Variants in CACNB2 observed in about 807,000 individuals in gnomAD.
The protein encoded by CACNB2 is voltage-dependent L-type calcium channel subunit beta-2.
Under a neutral mutation model 73.3 loss-of-function variants are expected in CACNB2, and 42 were observed. The ratio of observed to expected loss-of-function variants is 0.57; its 90% CI spans 0.45 to 0.74. The LOEUF (loss-of-function observed/expected upper bound fraction) is 0.74. Among genes scored for constraint, CACNB2 ranks in the 30% least tolerant of loss-of-function variants. The pLI is 0.00. For missense variants in CACNB2, 940 were observed against 853.0 expected, an observed-to-expected ratio of 1.10 and a Z score of -1.27; for synonymous variants, 348 against 310.3, an observed-to-expected ratio of 1.12 and a Z score of -1.28.
chr10:18,177,494 G>C (rs2131189410), intron 2 of CACNB2, among the ~76,000 whole-genome samples: 1 of 151,378 alleles, frequency 6.6e-6, no homozygotes, highest in African/African-American at 2.4e-5. Flanking sequence ...AGCTGGGTGT[G>C]GTGGCAGGCA....
intron 2 of CACNB2, among the ~76,000 whole-genome samples, chr10:18,334,258 GA>G (rs1326046133): frequency 6.6e-6 from 1 of 152,138 alleles, no homozygotes; most frequent in Non-Finnish European, 1.5e-5. Context: ...TGGGACTGCA[GA>G]AACCTCAGGT....
Position 18,407,109 on chromosome 10 carries a change from C to CTTTTTTTTTTTTTTTTTT in CACNB2, c.333+5080_333+5097dup, listed in dbSNP as rs71507267. On this transcript the variant is annotated intron_variant, in intron 3 of 13. Transcript: ENST00000324631. ...CTAAAGTCCAGACCTGCTGTTCTGTCTTTTTTTTTTTTTTTTTTTTTTTTT... is the reference window on the plus strand; with the variant it reads ...CTAAAGTCCAGACCTGCTGTTCTGTCTTTTTTTTTTTTTTTTTTTTTTTTTTTTTTTTTTTTTTTTTTT... 2.8e-3 allele frequency among the ~76,000 whole-genome samples: 99 copies of CTTTTTTTTTTTTTTTTTT among 35,614 alleles called. 35 individuals carry two copies. The highest frequency in any genetic ancestry group is 4.0e-3 in the Non-Finnish European group (78 of 19,386). 23.4% of individuals were successfully genotyped at this position (35,614 alleles called of 152,430 possible). A position where few individuals can be genotyped will look rare whatever the true frequency, so the allele number is the denominator to read the frequency against.
chr10:18,344,292 A>G (rs965016746), intron 2 of CACNB2, among the ~76,000 whole-genome samples: 1 of 152,074 alleles, frequency 6.6e-6, no homozygotes, highest in Non-Finnish European at 1.5e-5. Flanking sequence ...GCCCCATAAA[A>G]CGATCAGTTT....
chr10:18,278,514 CAG>C (rs1169850797), intron 2 of CACNB2, among the ~76,000 whole-genome samples: 1 of 151,700 alleles, frequency 6.6e-6, no homozygotes, highest in Non-Finnish European at 1.5e-5. Context: ...GTCGCAGTGA[CAG>C]GGGCTATTGA....
intron 3 of CACNB2, among the ~76,000 whole-genome samples, chr10:18,476,790 A>G (rs528585034): frequency 2.0e-5 from 3 of 152,136 alleles, no homozygotes; most frequent in Middle Eastern, 3.2e-3. Flanking sequence ...AGGCAGCCCA[A>G]TCACTTGAGG....
At position 18,540,541 on chromosome 10, in the gene CACNB2, A is replaced by ATGTT. The variant is rs921255976; in HGVS notation, c.*818_*821dup. 2.2e-4 allele frequency: 33 copies of ATGTT among 152,568 alleles called. No individual in the cohort carries two copies. The highest frequency in any genetic ancestry group is 6.5e-4 in the African/African-American group (27 of 41,424). The allele number at this position is 152,568 out of a possible 1,614,324, so 9.5% of individuals were successfully genotyped here. A position where few individuals can be genotyped will look rare whatever the true frequency, so the allele number is the denominator to read the frequency against. ...TGACTTGAAAAGGTTTGAATTCTGAATGTTATACCATCCTTGTAAGTAAGT... is the reference window on the plus strand; with the variant it reads ...TGACTTGAAAAGGTTTGAATTCTGAATGTTTGTTATACCATCCTTGTAAGTAAGT... On this transcript the variant is annotated 3_prime_UTR_variant, in exon 14 of 14. Coordinates refer to ENST00000324631, the MANE Select transcript of CACNB2 (RefSeq NM_201596.3).
At chr10:18,536,992 G>C (rs192275317) in intron 12 of CACNB2, among the ~76,000 whole-genome samples, 32 of 152,080 alleles carry the variant, frequency 2.1e-4, no homozygotes, top group Admixed American at 3.9e-4. Context: ...GCTTTCCTAG[G>C]TTTAGTTTTG....
chr10:18,211,171 A>T (rs1245887981), intron 2 of CACNB2, among the ~76,000 whole-genome samples: 1 of 152,196 alleles, frequency 6.6e-6, no homozygotes, highest in Non-Finnish European at 1.5e-5. Flanking sequence ...GGAGAGCAGT[A>T]GAGGGTGAGA....
intron 2 of CACNB2, among the ~76,000 whole-genome samples, chr10:18,285,300 GCTC>G (rs1304567288): frequency 6.6e-6 from 1 of 152,188 alleles, no homozygotes; most frequent in Admixed American, 6.5e-5. Context: ...AAGCTTTGCA[GCTC>G]CTTAGGGTTT....
At chr10:18,536,268 TTTTTTGGGG>T (rs1222884862) in intron 12 of CACNB2, 72 bp downstream of exon 12, 4 of 389,592 alleles carry the variant, frequency 1.0e-5, no homozygotes, top group Admixed American at 4.4e-5. Context: ...TTTTTTTTTT[TTTTTTGGGG>T]GACAAGGTCT....
chr10:18,144,267 A>G (rs775261289), intron 1 of CACNB2, among the ~76,000 whole-genome samples: 1 of 152,066 alleles, frequency 6.6e-6, no homozygotes. Flanking sequence ...TTTAGTAGAG[A>G]CGAGGTTTCA....
At chr10:18,184,230 C>A (rs78011989) in intron 2 of CACNB2, among the ~76,000 whole-genome samples, 3,576 of 152,282 alleles carry the variant, frequency 0.023, 55 homozygotes, top group Middle Eastern at 0.1. Flanking sequence ...AAGAGAAAGA[C>A]AGGACTTCTT....
At chr10:18,208,891 A>C (rs1382736374) in intron 2 of CACNB2, among the ~76,000 whole-genome samples, 1 of 152,170 alleles carries the variant, frequency 6.6e-6, no homozygotes, top group African/African-American at 2.4e-5. Flanking sequence ...ATGCGTATAC[A>C]TCCACATATG....
Position 18,500,879 on chromosome 10 carries a change from G to C in CACNB2, c.524G>C (p.Ser175Thr). 13 of 1,614,044 alleles carry C rather than the reference G, an allele frequency of 8.1e-6. No homozygotes were observed. Among genetic ancestry groups the C allele is most frequent in the Non-Finnish European group, 1.0e-5 (12 of 1,179,936 alleles). ...GGCTGTGAAATCGGATTCATTCCAA[G>C]CCCAGTCAAACTAGAAAACATGAGG... is the stretch of plus-strand genomic sequence containing the variant. ...KEGCEIGFIP[S>T]PVKLENMRLQ... Residue 175 changes from serine (S) to threonine (T), a missense_variant, in exon 5 of 14, where the codon AGC (serine) becomes ACC (threonine). By Grantham distance (58) the Ser-to-Thr change is moderately conservative (BLOSUM62 1). Transcript: ENST00000324631.
intron 2 of CACNB2, among the ~76,000 whole-genome samples, chr10:18,373,490 A>G (rs1004597245): frequency 6.6e-5 from 10 of 152,200 alleles, no homozygotes; most frequent in Non-Finnish European, 7.3e-5. Flanking sequence ...TTTATATGCA[A>G]AATTTACAGA....
intron 6 of CACNB2, among the ~76,000 whole-genome samples, chr10:18,510,407 A>G (rs1381091709): frequency 1.3e-5 from 2 of 152,040 alleles, no homozygotes; most frequent in African/African-American, 4.8e-5. Context: ...GGTTCAAGTG[A>G]TTCTCCCACC....
chr10:18,441,910 C>T (rs566470322), intron 3 of CACNB2, among the ~76,000 whole-genome samples: 8 of 152,314 alleles, frequency 5.3e-5, no homozygotes, highest in South Asian at 4.1e-4. Flanking sequence ...CGTTAGTCAC[C>T]GCATCCAGCC....
rs1402223419 is a variant in CACNB2 at position 18,539,781 on chromosome 10, C to A, written c.*57C>A. On this transcript the variant is annotated 3_prime_UTR_variant, in exon 14 of 14. Transcript: ENST00000324631. Reference sequence around the variant, plus strand: ...TTTTGAAGTCTTGTATAACTAACAGCATCCCCAAAACAAAGTCTTTGGGGT... The same window carrying A: ...TTTTGAAGTCTTGTATAACTAACAGAATCCCCAAAACAAAGTCTTTGGGGT... The A allele has an allele frequency of 1.3e-6, 2 of 1,526,746 alleles. No individual in the cohort carries two copies. The highest frequency in any genetic ancestry group is 1.8e-6 in the Non-Finnish European group (2 of 1,136,552). The allele number at this position is 1,526,746 out of a possible 1,614,324, so 94.6% of individuals were successfully genotyped here. A position where few individuals can be genotyped will look rare whatever the true frequency, so the allele number is the denominator to read the frequency against.
chr10:18,294,616 G>A (rs1332176802), intron 2 of CACNB2, among the ~76,000 whole-genome samples: 1 of 152,214 alleles, frequency 6.6e-6, no homozygotes, highest in South Asian at 2.1e-4. Context: ...CCAATTGGTT[G>A]GTTAAACCTA....
Sources: gnomAD v4.1 joint callset for allele counts (sites outside exome capture counted in the v4.1 genomes callset) on GRCh38, gnomAD v4.1.1 for gene constraint, MANE v1.5 for transcripts, NCBI Gene and HGNC (gene_info 2026-07-23, HGNC 2026-07-21) for gene names.